Variants in SPMIP2 observed in about 807,000 individuals in gnomAD.
SPMIP2 encodes protein SPMIP2.
the SPMIP2 span, among the ~76,000 whole-genome samples, chr4:159,055,606 G>A: frequency 8.6e-4 from 131 of 152,100 alleles, 1 homozygote; most frequent in Non-Finnish European, 1.6e-3. Context: ...GCTAATTGAG[G>A]AGCTGAGGCT....
At chr4:159,046,734 A>G in the SPMIP2 span, among the ~76,000 whole-genome samples, 1 of 152,102 alleles carries the variant, frequency 6.6e-6, no homozygotes, top group African/African-American at 2.4e-5. Context: ...CACCACACTC[A>G]GCTAATTATT....
chr4:158,974,722 G>A, the SPMIP2 span, among the ~76,000 whole-genome samples: 1 of 152,122 alleles, frequency 6.6e-6, no homozygotes, highest in African/African-American at 2.4e-5. Flanking sequence ...TGGGCATTTG[G>A]GTTGGTTCCA....
the SPMIP2 span, among the ~76,000 whole-genome samples, chr4:158,961,294 T>C: frequency 6.6e-6 from 1 of 152,112 alleles, no homozygotes; most frequent in African/African-American, 2.4e-5. Flanking sequence ...CAGTTCAGAA[T>C]GACTTTCCTT....
the SPMIP2 span, among the ~76,000 whole-genome samples, chr4:158,918,206 G>A: frequency 1.3e-5 from 2 of 152,152 alleles, no homozygotes; most frequent in African/African-American, 4.8e-5. Flanking sequence ...GAAGAGGGAA[G>A]GACAGGAAAG....
the SPMIP2 span, chr4:159,007,471 C>A: frequency 1.4e-6 from 1 of 703,362 alleles, no homozygotes; most frequent in Non-Finnish European, 2.6e-6. Flanking sequence ...AAGAGAAATG[C>A]ATTCTAGTGA....
At chr4:159,006,429 C>A in the SPMIP2 span, among the ~76,000 whole-genome samples, 6 of 152,212 alleles carry the variant, frequency 3.9e-5, no homozygotes, top group African/African-American at 1.4e-4. Flanking sequence ...ATGCAAAGTT[C>A]ATCTTGTTAC....
the SPMIP2 span, among the ~76,000 whole-genome samples, chr4:159,068,275 G>A: frequency 6.6e-6 from 1 of 152,126 alleles, no homozygotes; most frequent in Non-Finnish European, 1.5e-5. Context: ...GTCCAACAAC[G>A]ATAGACTGGA....
the SPMIP2 span, among the ~76,000 whole-genome samples, chr4:159,043,472 C>T: frequency 6.6e-6 from 1 of 152,118 alleles, no homozygotes; most frequent in Non-Finnish European, 1.5e-5. Context: ...CTCAGCCTCC[C>T]GAGTAGCTGG....
At chr4:158,915,117 G>C in the SPMIP2 span, 2 of 1,491,208 alleles carry the variant, frequency 1.3e-6, no homozygotes, top group Non-Finnish European at 1.8e-6. Flanking sequence ...TGATTTATAT[G>C]TTAAAGCAGC....
the SPMIP2 span, among the ~76,000 whole-genome samples, chr4:159,039,416 C>T: frequency 6.6e-6 from 1 of 152,098 alleles, no homozygotes; most frequent in Non-Finnish European, 1.5e-5. Context: ...AGAGGAGACA[C>T]ATTTGGAGTG....
the SPMIP2 span, among the ~76,000 whole-genome samples, chr4:158,930,327 C>G: frequency 6.6e-6 from 1 of 152,030 alleles, no homozygotes; most frequent in African/African-American, 2.4e-5. Context: ...TCCTCCCCAC[C>G]ACAGCCTCCC....
chr4:158,904,663 C>A, the SPMIP2 span: 2 of 881,642 alleles, frequency 2.3e-6, no homozygotes, highest in Non-Finnish European at 3.5e-6. Flanking sequence ...AACAGTCATT[C>A]CACCTTTTTG....
chr4:159,017,854 C>G, the SPMIP2 span, among the ~76,000 whole-genome samples: 8 of 152,162 alleles, frequency 5.3e-5, no homozygotes, highest in Non-Finnish European at 8.8e-5. Flanking sequence ...AAGAGGAAGT[C>G]TTGGGGCAGC....
At chr4:158,926,677 C>A in the SPMIP2 span, among the ~76,000 whole-genome samples, 1 of 152,028 alleles carries the variant, frequency 6.6e-6, no homozygotes, top group Non-Finnish European at 1.5e-5. Flanking sequence ...TCTGTTAGAT[C>A]TAGTTGGTTT....
chr4:159,073,437 A>G, the SPMIP2 span, among the ~76,000 whole-genome samples: 1 of 152,144 alleles, frequency 6.6e-6, no homozygotes, highest in East Asian at 1.9e-4. Context: ...TACAGGTGTG[A>G]GCCACCGCAC....
chr4:158,945,627 T>C, the SPMIP2 span, among the ~76,000 whole-genome samples: 2 of 152,166 alleles, frequency 1.3e-5, no homozygotes, highest in Admixed American at 1.3e-4. Context: ...AAATATCACA[T>C]AGAGCCGCAT....
the SPMIP2 span, among the ~76,000 whole-genome samples, chr4:158,972,417 G>T: frequency 6.6e-6 from 1 of 152,208 alleles, no homozygotes; most frequent in African/African-American, 2.4e-5. Flanking sequence ...TGAAACTTAA[G>T]AATTTGAGGA....
chr4:159,070,900 T>C, the SPMIP2 span, among the ~76,000 whole-genome samples: 1 of 152,204 alleles, frequency 6.6e-6, no homozygotes, highest in African/African-American at 2.4e-5. Context: ...ACTCATCCTC[T>C]AAGGACGCTT....
chr4:159,056,163 G>A, the SPMIP2 span, among the ~76,000 whole-genome samples: 1 of 152,152 alleles, frequency 6.6e-6, no homozygotes, highest in South Asian at 2.1e-4. Flanking sequence ...ATAAATAATA[G>A]ATGGAATGCA....
Sources: allele counts gnomAD v4.1 joint callset (sites outside exome capture counted in the v4.1 genomes callset), GRCh38; gene constraint gnomAD v4.1.1; transcripts MANE v1.5; gene names NCBI Gene and HGNC (gene_info 2026-07-23, HGNC 2026-07-21).